DLG2: variants seen among roughly 807,000 people sequenced by gnomAD.
The protein encoded by DLG2 is discs large MAGUK scaffold protein 2, also known as disks large homolog 2.
Under a neutral mutation model 132.5 loss-of-function variants are expected in DLG2, and 45 were observed. That is an observed-to-expected ratio of 0.34 (90% CI 0.27 to 0.44). The LOEUF (loss-of-function observed/expected upper bound fraction) is 0.44, where lower values mean the gene tolerates loss of function less well. Ranked by LOEUF, DLG2 falls within the 20% of genes least tolerant of loss-of-function variation. DLG2 has a pLI of 1.00. For synonymous variants in DLG2, 424 were observed against 419.6 expected, an observed-to-expected ratio of 1.01 and a Z score of -0.13; for missense variants, 1,045 against 1,196.9, an observed-to-expected ratio of 0.87 and a Z score of 1.87.
intron 6 of DLG2, among the ~76,000 whole-genome samples, chr11:84,908,816 A>G (rs1481538607): frequency 2.0e-5 from 3 of 151,276 alleles, no homozygotes; most frequent in Admixed American, 6.6e-5. Flanking sequence ...TTGAAAGCAT[A>G]TTTCAACATA....
At chr11:83,869,621 CT>C (rs945642236) in intron 16 of DLG2, among the ~76,000 whole-genome samples, 18 of 152,228 alleles carry the variant, frequency 1.2e-4, no homozygotes, top group Non-Finnish European at 1.0e-4. Flanking sequence ...TCCCTTAGAT[CT>C]GTTTATAAGT....
intron 17 of DLG2, among the ~76,000 whole-genome samples, chr11:83,812,205 A>G (rs1301838670): frequency 2.6e-5 from 4 of 152,130 alleles, no homozygotes; most frequent in African/African-American, 4.8e-5. Flanking sequence ...CCCCAGTTAC[A>G]GGGCATTTTC....
intron 6 of DLG2, among the ~76,000 whole-genome samples, chr11:84,859,046 C>T (rs1017370562): frequency 1.4e-4 from 21 of 151,934 alleles, no homozygotes; most frequent in African/African-American, 4.6e-4. Flanking sequence ...TTAGTTTACA[C>T]GTCTACGAAA....
chr11:84,655,963 G>T (rs1382926085), intron 6 of DLG2, among the ~76,000 whole-genome samples: 3 of 152,042 alleles, frequency 2.0e-5, no homozygotes, highest in Non-Finnish European at 4.4e-5. Flanking sequence ...ATTGATCTGG[G>T]CCTCAGAGTA....
intron 6 of DLG2, among the ~76,000 whole-genome samples, chr11:84,659,587 G>A (rs1032867922): frequency 1.3e-5 from 2 of 152,144 alleles, no homozygotes; most frequent in Non-Finnish European, 2.9e-5. Context: ...TAAAAAGGGT[G>A]AAATCAAGTA....
At chr11:83,771,209 T>A (rs1195097630) in intron 18 of DLG2, among the ~76,000 whole-genome samples, 2 of 152,198 alleles carry the variant, frequency 1.3e-5, no homozygotes, top group Non-Finnish European at 2.9e-5. Context: ...GATAATTGTG[T>A]TTCTTTTAGA....
intron 8 of DLG2, among the ~76,000 whole-genome samples, chr11:84,248,803 G>GT (rs1462569923): frequency 5.3e-5 from 8 of 152,200 alleles, no homozygotes; most frequent in Admixed American, 5.2e-4. Context: ...GGAGGCAGAG[G>GT]TTGCAGTGAG....
At chr11:84,434,689 C>T (rs2098995208) in intron 7 of DLG2, among the ~76,000 whole-genome samples, 1 of 151,958 alleles carries the variant, frequency 6.6e-6, no homozygotes, top group Admixed American at 6.6e-5. Flanking sequence ...TGTGATGCTA[C>T]TGAGTTCTAG....
At chr11:85,253,459 C>T (rs907779691) in intron 4 of DLG2, among the ~76,000 whole-genome samples, 1 of 152,132 alleles carries the variant, frequency 6.6e-6, no homozygotes, top group Non-Finnish European at 1.5e-5. Flanking sequence ...TGCTCCACCC[C>T]TCACCAGAGG....
rs189485932 is a variant in DLG2 at position 85,569,482 on chromosome 11, A to G, written c.40+29175T>C. 3.3e-5 allele frequency among the ~76,000 whole-genome samples: 5 copies of G among 152,284 alleles called. No individual in the cohort carries two copies. In the East Asian group the frequency reaches 9.6e-4, roughly 29 times the overall value. On this transcript the variant is annotated intron_variant, in intron 3 of 27. Coordinates refer to ENST00000376104, the MANE Select transcript of DLG2 (RefSeq NM_001142699.3). ...GTAAATTCTTCTTTAAACTACTGGT[A>G]ATTTAAGAGTGTATTATTTAATTTC...
At chr11:84,938,291 G>T (rs986761627) in intron 6 of DLG2, among the ~76,000 whole-genome samples, 20 of 152,036 alleles carry the variant, frequency 1.3e-4, no homozygotes, top group Admixed American at 9.8e-4. Context: ...TAAAATATCA[G>T]CCATTATTCA....
intron 3 of DLG2, among the ~76,000 whole-genome samples, chr11:85,373,709 C>T (rs1283516701): frequency 6.6e-6 from 1 of 152,148 alleles, no homozygotes; most frequent in Non-Finnish European, 1.5e-5. Flanking sequence ...TCCCTGTTTT[C>T]CCCTTTTTTC....
chr11:84,743,415 A>G (rs1039952515), intron 6 of DLG2, among the ~76,000 whole-genome samples: 3 of 152,090 alleles, frequency 2.0e-5, no homozygotes, highest in African/African-American at 7.2e-5. Context: ...AATTATTCCT[A>G]TTTACTTATA....
At chr11:83,849,862 C>A (rs2059342977) in intron 16 of DLG2, among the ~76,000 whole-genome samples, 1 of 151,764 alleles carries the variant, frequency 6.6e-6, no homozygotes, top group Admixed American at 6.6e-5. Context: ...TGTAAATGAA[C>A]TCCCTTTCCC....
At chr11:84,964,273 C>T (rs10898339) in intron 6 of DLG2, among the ~76,000 whole-genome samples, 2 of 151,854 alleles carry the variant, frequency 1.3e-5, no homozygotes, top group Non-Finnish European at 2.9e-5. Context: ...CATATACAAC[C>T]TTCAGGTCAA....
chr11:83,620,281 AAC>A (rs1310474683), intron 19 of DLG2, among the ~76,000 whole-genome samples: 1 of 152,144 alleles, frequency 6.6e-6, no homozygotes, highest in African/African-American at 2.4e-5. Flanking sequence ...TGTTTTTTTA[AAC>A]ACACAAAATT....
intron 11 of DLG2, among the ~76,000 whole-genome samples, chr11:84,043,927 T>G (rs928838762): frequency 1.3e-5 from 2 of 151,756 alleles, no homozygotes; most frequent in African/African-American, 4.8e-5. Context: ...TTATTTTAAG[T>G]TTTCCTACAG....
intron 20 of DLG2, 135 bp downstream of exon 20, chr11:83,541,547 C>T (rs1028331831): frequency 4.8e-6 from 4 of 836,888 alleles, no homozygotes; most frequent in Non-Finnish European, 6.9e-6. Flanking sequence ...TCACCACTGA[C>T]AATTTTCCTG....
chr11:83,651,777 T>C (rs1443123798), intron 18 of DLG2: 1 of 469,248 alleles, frequency 2.1e-6, no homozygotes, highest in South Asian at 1.6e-5. Context: ...TAGGGAGACA[T>C]GTAAATCCTG....
Sources: allele counts gnomAD v4.1 joint callset (sites outside exome capture counted in the v4.1 genomes callset), GRCh38; gene constraint gnomAD v4.1.1; transcripts MANE v1.5; gene names NCBI Gene and HGNC (gene_info 2026-07-23, HGNC 2026-07-21).